KIAA1217: variants seen among roughly 807,000 people sequenced by gnomAD.
The protein encoded by KIAA1217 is KIAA1217, also known as sickle tail protein homolog.
Under a neutral mutation model 163.9 loss-of-function variants are expected in KIAA1217, and 88 were observed. The ratio of observed to expected loss-of-function variants is 0.54; its 90% CI spans 0.45 to 0.64. KIAA1217 has a LOEUF of 0.64. Among genes scored for constraint, KIAA1217 ranks in the 30% least tolerant of loss-of-function variants. The probability of loss-of-function intolerance (pLI) is 0.00; values close to 1 mark genes in which losing one functional copy is unlikely to be tolerated. For missense variants in KIAA1217, 2,372 were observed against 2,475.0 expected, an observed-to-expected ratio of 0.96 and a Z score of 0.88; for synonymous variants, 903 against 923.1, an observed-to-expected ratio of 0.98 and a Z score of 0.39.
intron 1 of KIAA1217, among the ~76,000 whole-genome samples, chr10:23,752,914 C>A (rs1007950458): frequency 6.6e-6 from 1 of 152,092 alleles, no homozygotes; most frequent in African/African-American, 2.4e-5. Flanking sequence ...TCTGCAAGAG[C>A]CTTGTGAAGA....
chr10:24,099,170 T>G (rs2062290045), intron 2 of KIAA1217, among the ~76,000 whole-genome samples: 1 of 151,102 alleles, frequency 6.6e-6, no homozygotes, highest in Admixed American at 6.6e-5. Context: ...TATTTTTATT[T>G]TTTTCTCCTG....
intron 2 of KIAA1217, among the ~76,000 whole-genome samples, chr10:24,238,814 G>GT (rs2072651802): frequency 6.6e-6 from 1 of 152,170 alleles, no homozygotes; most frequent in Non-Finnish European, 1.5e-5. Context: ...CACCAATTAA[G>GT]TGCATTGTTA....
At position 24,543,911 on chromosome 10, in the gene KIAA1217, C is replaced by T. The variant is rs1208722133; in HGVS notation, c.4641C>T (p.Ser1547=). Residue 1547 remains serine, a synonymous_variant, in exon 19 of 21, where the codon AGC becomes AGT. Coordinates refer to ENST00000376454, the MANE Select transcript of KIAA1217 (RefSeq NM_019590.5). ...ACAGAACGGAGCTGAACAAGTTCAGCCACGTGGATTCTCCAAATTCGGAAT... is the reference window on the plus strand; with the variant it reads ...ACAGAACGGAGCTGAACAAGTTCAGTCACGTGGATTCTCCAAATTCGGAAT... ...EMNRTELNKF[S]HVDSPNSECK... 11 of 1,613,882 alleles carry T rather than the reference C, an allele frequency of 6.8e-6. No homozygotes were observed. In the African/African-American group the frequency reaches 1.1e-4, roughly 16 times the overall value.
intron 13 of KIAA1217, among the ~76,000 whole-genome samples, chr10:24,526,293 C>G (rs981392622): frequency 3.9e-5 from 6 of 152,118 alleles, no homozygotes; most frequent in Non-Finnish European, 7.4e-5. Flanking sequence ...CGCAAGGGCC[C>G]TGGCTTGCCT....
In KIAA1217 at chr10:24,138,176, C is replaced by A. The variant is rs145873406; in HGVS notation, c.-170-81450C>A. On this transcript the variant is annotated intron_variant, in intron 2 of 18. Transcript: ENST00000376462. Reference sequence around the variant, plus strand: ...TTGCTTTTTGGTTTTGTTTTAGAGGCAGGGTCTTTCTCTGTCACTCAGGCT... The same window carrying A: ...TTGCTTTTTGGTTTTGTTTTAGAGGAAGGGTCTTTCTCTGTCACTCAGGCT... 1.7e-4 allele frequency among the ~76,000 whole-genome samples: 26 copies of A among 152,252 alleles called. 1 individual carries two copies. In the East Asian group the frequency reaches 5.0e-3, roughly 29 times the overall value.
At chr10:24,409,101 T>G (rs1022159914) in intron 3 of KIAA1217, among the ~76,000 whole-genome samples, 1 of 152,204 alleles carries the variant, frequency 6.6e-6, no homozygotes, top group African/African-American at 2.4e-5. Flanking sequence ...TCTTATTTGA[T>G]CCTTGGAAAT....
intron 1 of KIAA1217, among the ~76,000 whole-genome samples, chr10:23,732,063 A>G (rs979236214): frequency 1.3e-5 from 2 of 151,820 alleles, no homozygotes; most frequent in Non-Finnish European, 2.9e-5. Flanking sequence ...CTTGTAATAT[A>G]TTTTTCTGGT....
intron 1 of KIAA1217, among the ~76,000 whole-genome samples, chr10:23,876,154 A>G (rs1412404818): frequency 1.3e-5 from 2 of 152,026 alleles, no homozygotes; most frequent in African/African-American, 4.8e-5. Context: ...GCAGCCATAA[A>G]AAGAGCAAAA....
At chr10:24,305,483 A>G (rs2041907164) in intron 2 of KIAA1217, among the ~76,000 whole-genome samples, 1 of 152,184 alleles carries the variant, frequency 6.6e-6, no homozygotes, top group South Asian at 2.1e-4. Context: ...ACTTGTGTCT[A>G]TGCCCTTTTT....
At chr10:24,362,623 C>T (rs956617796) in intron 2 of KIAA1217, among the ~76,000 whole-genome samples, 1 of 152,136 alleles carries the variant, frequency 6.6e-6, no homozygotes, top group Non-Finnish European at 1.5e-5. Context: ...AATATATTTT[C>T]GTTTACCATG....
chr10:24,345,935 A>G (rs2047695239), intron 2 of KIAA1217, among the ~76,000 whole-genome samples: 1 of 152,102 alleles, frequency 6.6e-6, no homozygotes, highest in Non-Finnish European at 1.5e-5. Flanking sequence ...GTAAAACTGA[A>G]ACTCTATCCA....
intron 2 of KIAA1217, among the ~76,000 whole-genome samples, chr10:24,099,687 C>T (rs1359903278): frequency 6.7e-6 from 1 of 149,006 alleles, no homozygotes; most frequent in Non-Finnish European, 1.5e-5. Flanking sequence ...TGTGCTGCAC[C>T]CATTAACTCG....
chr10:24,264,032 A>C (rs2075967994), intron 2 of KIAA1217, among the ~76,000 whole-genome samples: 1 of 151,638 alleles, frequency 6.6e-6, no homozygotes, highest in African/African-American at 2.4e-5. Flanking sequence ...TATTTTTTGT[A>C]TTTTTTAGTA....
chr10:24,038,966 A>G (rs1277436927), intron 2 of KIAA1217, among the ~76,000 whole-genome samples: 1 of 151,794 alleles, frequency 6.6e-6, no homozygotes, highest in Non-Finnish European at 1.5e-5. Context: ...CTGGTCTCGA[A>G]CTCCTAACCT....
chr10:24,257,608 C>T (rs557318359), intron 2 of KIAA1217, among the ~76,000 whole-genome samples: 4 of 152,270 alleles, frequency 2.6e-5, no homozygotes, highest in African/African-American at 9.6e-5. Context: ...CTCAGGGAAT[C>T]AGAGAACACA....
chr10:23,758,441 C>T (rs1834032851), intron 1 of KIAA1217, among the ~76,000 whole-genome samples: 1 of 152,152 alleles, frequency 6.6e-6, no homozygotes, highest in Non-Finnish European at 1.5e-5. Flanking sequence ...CACACTGTTT[C>T]AATTTACTGT....
rs558571287 is a variant in KIAA1217 at position 24,408,987 on chromosome 10, G to T, written c.554-24008G>T. On this transcript the variant is annotated intron_variant, in intron 3 of 20. Transcript: ENST00000376454. ...TTTACAAGCTCCTAGTATGGTGCCT[G>T]CACATAGTAGATGCTCAATAAATAT... 2.6e-5 allele frequency among the ~76,000 whole-genome samples: 4 copies of T among 152,320 alleles called. No individual in the cohort carries two copies. In the South Asian group the frequency reaches 8.3e-4, roughly 32 times the overall value.
chr10:24,085,149 C>T (rs1214238747), intron 2 of KIAA1217, among the ~76,000 whole-genome samples: 2 of 152,224 alleles, frequency 1.3e-5, no homozygotes, highest in South Asian at 2.1e-4. Context: ...CTCCTGACCG[C>T]GTGATCCGCC....
intron 1 of KIAA1217, among the ~76,000 whole-genome samples, chr10:23,974,279 T>C (rs1845446002): frequency 6.6e-6 from 1 of 152,110 alleles, no homozygotes; most frequent in South Asian, 2.1e-4. Flanking sequence ...AGTTTGTCTA[T>C]AGAATGAGGA....
Sources: allele counts gnomAD v4.1 joint callset (sites outside exome capture counted in the v4.1 genomes callset), GRCh38; gene constraint gnomAD v4.1.1; transcripts MANE v1.5; gene names NCBI Gene and HGNC (gene_info 2026-07-23, HGNC 2026-07-21).